The following FOXP2 variants were observed in gnomAD, a reference collection of about 807,000 sequenced individuals.
FOXP2 encodes forkhead box P2, also known as forkhead box protein P2.
In FOXP2, 12 loss-of-function variants were observed where a neutral mutation model predicts 115.8. The observed-to-expected ratio is 0.10, with a 90% confidence interval of 0.07 to 0.17. The LOEUF (loss-of-function observed/expected upper bound fraction) is 0.17, where lower values mean the gene tolerates loss of function less well. Among genes scored for constraint, FOXP2 ranks in the 10% least tolerant of loss-of-function variants. The pLI, the probability that FOXP2 is intolerant of heterozygous loss-of-function variation, is 1.00. For missense variants in FOXP2, 629 were observed against 843.5 expected (o/e 0.75, Z 3.15); for synonymous variants, 328 against 297.7 (o/e 1.10, Z -1.05).
At chr7:114,292,747 C>T (rs948985270) in intron 2 of FOXP2, among the ~76,000 whole-genome samples, 1 of 152,152 alleles carries the variant, frequency 6.6e-6, no homozygotes, top group African/African-American at 2.4e-5. Flanking sequence ...TCATTAATCT[C>T]ATTCCCCTGC....
intron 2 of FOXP2, among the ~76,000 whole-genome samples, chr7:114,451,282 G>A (rs1026317472): frequency 1.6e-4 from 24 of 152,068 alleles, no homozygotes; most frequent in South Asian, 8.3e-4. Flanking sequence ...CTAGAAAGGC[G>A]GTAGGATAGA....
chr7:114,557,165 G>A (rs979119469), intron 3 of FOXP2, among the ~76,000 whole-genome samples: 3 of 152,134 alleles, frequency 2.0e-5, no homozygotes, highest in Non-Finnish European at 4.4e-5. Flanking sequence ...GAGTCAAGGT[G>A]GAAAATCTAA....
rs73434182 is a variant in FOXP2, at chr7:114,455,223, C to A, written c.168+28544C>A. On this transcript the variant is annotated intron_variant, in intron 2 of 16. Coordinates refer to ENST00000350908, the MANE Select transcript of FOXP2 (RefSeq NM_014491.4). The stretch of plus-strand genomic sequence containing the variant: ...AACTGCATTTAAAACTTTTCCTAAC[C>A]CAAATTCTTTAGCTCAATTTATAGC... 7.1e-3 allele frequency among the ~76,000 whole-genome samples: 1,088 copies of A among 152,224 alleles called. 11 individuals are homozygous for A. The highest frequency in any genetic ancestry group is 0.025 in the African/African-American group (1,034 of 41,542).
rs1297364209 is a variant in FOXP2 at position 114,691,997 on chromosome 7, G to A, written c.*2071G>A. 4.5e-6 allele frequency: 2 copies of A among 446,808 alleles called. No homozygotes were observed. The highest frequency in any genetic ancestry group is 2.4e-5 in the Admixed American group (1 of 41,044). The allele number at this position is 446,808 out of a possible 1,614,324, so 27.7% of individuals were successfully genotyped here. A position where few individuals can be genotyped will look rare whatever the true frequency, so the allele number is the denominator to read the frequency against. ...AATTATGGCAGATTGCATGAAACGT[G>A]AGAACGTCACAGTAACTGCTACTTT... On this transcript the variant is annotated 3_prime_UTR_variant, in exon 17 of 17. Transcript: ENST00000350908.
At chr7:114,091,898 A>G (rs1055184318) in intron 1 of FOXP2, among the ~76,000 whole-genome samples, 1 of 152,032 alleles carries the variant, frequency 6.6e-6, no homozygotes, top group African/African-American at 2.4e-5. Flanking sequence ...CCTGTACTCA[A>G]CTACTGCTTG....
At chr7:114,205,314 T>C (rs1439509867) in intron 1 of FOXP2, among the ~76,000 whole-genome samples, 5 of 152,134 alleles carry the variant, frequency 3.3e-5, no homozygotes, top group South Asian at 4.1e-4. Context: ...GAAGATCCTT[T>C]AGCCCAGTGT....
intron 1 of FOXP2, among the ~76,000 whole-genome samples, chr7:114,424,968 C>G (rs1304665756): frequency 1.3e-5 from 2 of 150,660 alleles, no homozygotes; most frequent in African/African-American, 4.9e-5. Flanking sequence ...ATAATTTAGG[C>G]TTTGATGAAA....
intron 1 of FOXP2, among the ~76,000 whole-genome samples, chr7:114,122,262 T>C (rs1212727845): frequency 6.6e-6 from 1 of 152,126 alleles, no homozygotes; most frequent in African/African-American, 2.4e-5. Context: ...AATGCAGTTG[T>C]TTACTTGCAG....
intron 2 of FOXP2, chr7:114,462,962 C>T (rs1291811754): frequency 6.3e-6 from 2 of 318,076 alleles, no homozygotes; most frequent in Admixed American, 8.2e-5. Flanking sequence ...TCAATCAATA[C>T]ATTAATTATA....
chr7:114,327,668 A>G (rs569370412), intron 2 of FOXP2, among the ~76,000 whole-genome samples: 2 of 151,614 alleles, frequency 1.3e-5, no homozygotes, highest in South Asian at 2.1e-4. Context: ...TGCCCAGCTA[A>G]TTTTTGTATT....
intron 2 of FOXP2, among the ~76,000 whole-genome samples, chr7:114,449,449 C>T (rs187475018): frequency 4.4e-4 from 67 of 152,182 alleles, no homozygotes; most frequent in African/African-American, 1.5e-3. Flanking sequence ...ATCCCACTCT[C>T]CCTGCCCCCA....
intron 1 of FOXP2, among the ~76,000 whole-genome samples, chr7:114,097,650 A>C (rs965106255): frequency 2.0e-5 from 3 of 152,174 alleles, no homozygotes; most frequent in Non-Finnish European, 2.9e-5. Context: ...GGTCTTCACC[A>C]TAGTTCTCCA....
chr7:114,128,974 C>A (rs987864525), intron 1 of FOXP2, among the ~76,000 whole-genome samples: 24 of 152,134 alleles, frequency 1.6e-4, no homozygotes, highest in Non-Finnish European at 3.1e-4. Context: ...AAAAAACACT[C>A]TCTGTGCTTC....
At chr7:114,522,451 T>C (rs1798671014) in intron 2 of FOXP2, among the ~76,000 whole-genome samples, 1 of 152,202 alleles carries the variant, frequency 6.6e-6, no homozygotes, top group South Asian at 2.1e-4. Context: ...GTCTTCCAGC[T>C]ACTGGCTCTT....
intron 2 of FOXP2, among the ~76,000 whole-genome samples, chr7:114,403,460 T>C (rs564930376): frequency 1.3e-5 from 2 of 152,104 alleles, no homozygotes. Flanking sequence ...ATGAAAAGAG[T>C]GAATCACTGT....
At chr7:114,088,798 T>G (rs1188136549) in intron 1 of FOXP2, among the ~76,000 whole-genome samples, 1 of 151,720 alleles carries the variant, frequency 6.6e-6, no homozygotes, top group Non-Finnish European at 1.5e-5. Context: ...TTAAATGTAG[T>G]GTTTGTTTAA....
chr7:114,514,084 TATACACACACAC>T (rs1482084393), intron 2 of FOXP2, among the ~76,000 whole-genome samples: 2 of 97,120 alleles, frequency 2.1e-5, no homozygotes, highest in African/African-American at 8.6e-5. Context: ...CATTGTATCT[TATACACACACAC>T]ACACACACAC....
chr7:114,292,754 CT>C (rs1796639530), intron 2 of FOXP2, among the ~76,000 whole-genome samples: 1 of 152,152 alleles, frequency 6.6e-6, no homozygotes, highest in African/African-American at 2.4e-5. Context: ...TCTCATTCCC[CT>C]GCTATCCATA....
At chr7:114,176,492 A>G (rs561939038) in intron 1 of FOXP2, among the ~76,000 whole-genome samples, 49 of 151,638 alleles carry the variant, frequency 3.2e-4, no homozygotes, top group African/African-American at 1.1e-3. Context: ...GGCGCGCACC[A>G]CCACGCCCGG....
Sources: gnomAD v4.1 joint callset for allele counts (sites outside exome capture counted in the v4.1 genomes callset) on GRCh38, gnomAD v4.1.1 for gene constraint, MANE v1.5 for transcripts, NCBI Gene and HGNC (gene_info 2026-07-23, HGNC 2026-07-21) for gene names.